GABRR3: variants seen among roughly 807,000 people sequenced by gnomAD.
GABRR3 encodes gamma-aminobutyric acid receptor subunit rho-3.
A neutral mutation model predicts 43.2 loss-of-function variants in GABRR3; 29 were observed. That is an observed-to-expected ratio of 0.67 (90% confidence interval 0.50 to 0.92). GABRR3 has a LOEUF of 0.92. Among genes scored for constraint, GABRR3 ranks in the 40% least tolerant of loss-of-function variants. GABRR3 has a pLI of 0.00. For synonymous variants in GABRR3, 206 were observed against 195.9 expected (o/e 1.05, Z -0.43); for missense variants, 576 against 572.3 (o/e 1.01, Z -0.07).
intron 7 of GABRR3, among the ~76,000 whole-genome samples, chr3:98,004,745 G>A (rs1283883208): frequency 6.6e-6 from 1 of 151,402 alleles, no homozygotes; most frequent in Non-Finnish European, 1.5e-5. Context: ...CTATATTTCT[G>A]ACTCTTATAG....
At chr3:98,031,708 A>C (rs1707088766) in intron 2 of GABRR3, among the ~76,000 whole-genome samples, 1 of 151,992 alleles carries the variant, frequency 6.6e-6, no homozygotes, top group Non-Finnish European at 1.5e-5. Flanking sequence ...GGACCACCGC[A>C]CTCCAGCCTG....
At chr3:97,993,069 C>T in intron 8 of GABRR3, 21 bp from the exon 9 acceptor site, 5 of 1,566,058 alleles carry the variant, frequency 3.2e-6, no homozygotes, top group South Asian at 1.2e-5. Flanking sequence ...AGAATAGTGG[C>T]AAGCTCAGTG....
chr3:98,023,463 A>G (rs1032429004), intron 3 of GABRR3, among the ~76,000 whole-genome samples: 10 of 152,134 alleles, frequency 6.6e-5, no homozygotes, highest in African/African-American at 2.4e-4. Flanking sequence ...TATCGACTGA[A>G]GATTCCTGCT....
downstream of GABRR3, among the ~76,000 whole-genome samples, chr3:97,985,495 C>G (rs1706372610): frequency 6.6e-6 from 1 of 152,138 alleles, no homozygotes; most frequent in South Asian, 2.1e-4. Flanking sequence ...GAATTCACAC[C>G]AGACAGTGTA....
chr3:98,020,026 G>A (rs1388123106), intron 3 of GABRR3, among the ~76,000 whole-genome samples: 2 of 152,074 alleles, frequency 1.3e-5, no homozygotes, highest in African/African-American at 4.8e-5. Flanking sequence ...AACAATTCAC[G>A]AAAATATCTT....
chr3:98,001,644 C>T (rs375712400), exon 8 of GABRR3: 40 of 1,613,026 alleles, frequency 2.5e-5, no homozygotes, highest in Middle Eastern at 1.6e-4. Context: ...AACAGCTCTT[C>T]GGTCAATCCA....
At chr3:97,997,986 A>G (rs974248628) in intron 8 of GABRR3, 2 of 152,296 alleles carry the variant, frequency 1.3e-5, no homozygotes, top group Admixed American at 6.5e-5. Flanking sequence ...CTAACAGTCT[A>G]ACTTCTTTAT....
intron 9 of GABRR3, among the ~76,000 whole-genome samples, chr3:97,989,448 G>T (rs1706433893): frequency 6.6e-6 from 1 of 150,838 alleles, no homozygotes; most frequent in South Asian, 2.1e-4. Context: ...GGTGGTGGGT[G>T]GTGGGTGGTG....
At chr3:97,986,971 C>T (rs1380990666) in exon 10 of GABRR3, 5 of 1,589,134 alleles carry the variant, frequency 3.1e-6, no homozygotes, top group Non-Finnish European at 8.5e-7. Flanking sequence ...CAATATTGTA[C>T]ATCCTAGAAA....
intron 5 of GABRR3, among the ~76,000 whole-genome samples, chr3:98,010,536 GC>G (rs1319038948): frequency 6.6e-6 from 1 of 152,010 alleles, no homozygotes; most frequent in Non-Finnish European, 1.5e-5. Context: ...ATCTGGCTTG[GC>G]CCCCGGACCC....
rs1324137644 is a variant in GABRR3 at position 98,008,272 on chromosome 3, C to T, written c.614-368G>A. On this transcript the variant is annotated intron_variant, in intron 6 of 9. Coordinates refer to ENST00000621172, the Ensembl canonical transcript of GABRR3. ...CAGGCCTGACTCCAGGCTGTTAGTC[C>T]CCATTTGTTTTTAGTTTCCTTGGAT... Among the ~76,000 whole-genome samples, 6 of 152,122 alleles carry T rather than the reference C, an allele frequency of 3.9e-5. No homozygotes were observed. The East Asian group carries it at 1.2e-3, about 29-fold the overall frequency.
downstream of GABRR3, among the ~76,000 whole-genome samples, chr3:97,985,474 TC>T (rs1247053770): frequency 6.6e-6 from 1 of 152,194 alleles, no homozygotes; most frequent in African/African-American, 2.4e-5. Context: ...TTCTTTGGTA[TC>T]CCCCTTTCAG....
intron 8 of GABRR3, among the ~76,000 whole-genome samples, chr3:97,996,720 A>G (rs1207255466): frequency 1.3e-5 from 2 of 152,228 alleles, no homozygotes; most frequent in African/African-American, 4.8e-5. Context: ...CACACTCTCC[A>G]CACCAAATTG....
intron 4 of GABRR3, among the ~76,000 whole-genome samples, chr3:98,016,372 CA>C (rs1045823675): frequency 6.6e-6 from 1 of 152,080 alleles, no homozygotes; most frequent in African/African-American, 2.4e-5. Flanking sequence ...GTACCTCCCC[CA>C]CCCCCCATTC....
chr3:98,013,772 A>C (rs1263076830), intron 4 of GABRR3, among the ~76,000 whole-genome samples: 1 of 152,230 alleles, frequency 6.6e-6, no homozygotes, highest in Non-Finnish European at 1.5e-5. Flanking sequence ...TGGTTGCTTC[A>C]TTAACATAAT....
intron 9 of GABRR3, among the ~76,000 whole-genome samples, chr3:97,988,695 T>C (rs1045593600): frequency 1.4e-5 from 2 of 142,340 alleles, no homozygotes; most frequent in Non-Finnish European, 3.1e-5. Context: ...AGAGTGGTGG[T>C]GATATGTGGT....
chr3:97,995,346 T>C (rs1706522547), intron 8 of GABRR3, among the ~76,000 whole-genome samples: 1 of 152,192 alleles, frequency 6.6e-6, no homozygotes, highest in South Asian at 2.1e-4. Flanking sequence ...TTTTTTTCAT[T>C]GTGCAGTAAT....
intron 7 of GABRR3, among the ~76,000 whole-genome samples, chr3:98,003,161 A>G (rs1185913488): frequency 6.6e-6 from 1 of 152,120 alleles, no homozygotes; most frequent in Non-Finnish European, 1.5e-5. Flanking sequence ...GTCTTGTATC[A>G]CCTACATCAC....
At chr3:97,986,940 A>T (rs1445205212) in exon 10 of GABRR3, 1 of 1,611,200 alleles carries the variant, frequency 6.2e-7, no homozygotes, top group Non-Finnish European at 8.5e-7. Context: ...CAACCATCAA[A>T]GGCCATAGCT....
Sources: gnomAD v4.1 joint callset for allele counts (sites outside exome capture counted in the v4.1 genomes callset) on GRCh38, gnomAD v4.1.1 for gene constraint, MANE v1.5 for transcripts, NCBI Gene and HGNC (gene_info 2026-07-23, HGNC 2026-07-21) for gene names.